The following DTNA variants were observed in gnomAD, a reference collection of about 807,000 sequenced individuals.
The protein encoded by DTNA is dystrobrevin alpha.
DTNA carries 43 observed loss-of-function variants against 100.7 expected under a neutral mutation model. The observed-to-expected ratio is 0.43, with a 90% CI of 0.33 to 0.55. The LOEUF (loss-of-function observed/expected upper bound fraction) is 0.55, where lower values mean the gene tolerates loss of function less well. DTNA is among the 20% of genes least tolerant of loss of function. DTNA has a pLI of 0.04. For missense variants in DTNA, 798 were observed against 953.9 expected, an observed-to-expected ratio of 0.84 and a Z score of 2.15; for synonymous variants, 349 against 347.9, an observed-to-expected ratio of 1.00 and a Z score of -0.04.
intron 1 of DTNA, among the ~76,000 whole-genome samples, chr18:34,664,821 G>C (rs2075677417): frequency 6.6e-6 from 1 of 151,868 alleles, no homozygotes; most frequent in Non-Finnish European, 1.5e-5. Context: ...AATATTGATA[G>C]GTATAATAAA....
intron 10 of DTNA, chr18:34,829,063 T>C (rs377532889): frequency 6.2e-7 from 1 of 1,614,070 alleles, no homozygotes; most frequent in Non-Finnish European, 8.5e-7. Flanking sequence ...TTTTGGTGGA[T>C]GCGTCTAGAT....
chr18:34,839,359 G>A (rs2096222902), intron 13 of DTNA, among the ~76,000 whole-genome samples: 1 of 152,158 alleles, frequency 6.6e-6, no homozygotes, highest in African/African-American at 2.4e-5. Context: ...TTTTTCTGAT[G>A]ACCATCCTGC....
intron 3 of DTNA, among the ~76,000 whole-genome samples, chr18:34,772,319 GAT>G (rs1417246978): frequency 2.6e-5 from 4 of 152,068 alleles, no homozygotes; most frequent in Non-Finnish European, 4.4e-5. Context: ...CCTTCATTCA[GAT>G]ATGTTAAGTT....
At chr18:34,694,761 T>C (rs61229914) in intron 1 of DTNA, among the ~76,000 whole-genome samples, 1,759 of 152,274 alleles carry the variant, frequency 0.012, 41 homozygotes, top group African/African-American at 0.04. Flanking sequence ...TGATTTCCCT[T>C]CTGAAGTTGA....
At chr18:34,793,175 G>T (rs1378749979) in intron 3 of DTNA, among the ~76,000 whole-genome samples, 2 of 152,214 alleles carry the variant, frequency 1.3e-5, no homozygotes, top group African/African-American at 2.4e-5. Context: ...ATCAATAGTT[G>T]CCTGGAACAG....
chr18:34,745,544 T>C (rs921445011), intron 1 of DTNA, among the ~76,000 whole-genome samples: 1 of 152,210 alleles, frequency 6.6e-6, no homozygotes, highest in African/African-American at 2.4e-5. Flanking sequence ...TGCGAGTTTC[T>C]GCCTGACCAT....
chr18:34,623,623 T>C (rs1268835720), intron 1 of DTNA, among the ~76,000 whole-genome samples: 1 of 152,198 alleles, frequency 6.6e-6, no homozygotes. Flanking sequence ...TTTATATCCT[T>C]AAACTCACTC....
rs1473123602 is a variant in DTNA at position 34,890,214 on chromosome 18, T to A, written c.*2480T>A. ...CAACTCCATCACATGGTTGTTGATATCGTCATATAAAGCCATTGCAAGGAC... is the reference window on the plus strand; with the variant it reads ...CAACTCCATCACATGGTTGTTGATAACGTCATATAAAGCCATTGCAAGGAC... On this transcript the variant is annotated 3_prime_UTR_variant, in exon 23 of 23. Coordinates refer to ENST00000444659, the MANE Select transcript of DTNA (RefSeq NM_001386795.1). 6.8e-7 allele frequency: 1 copy of A among 1,463,864 alleles called. No homozygotes were observed. The highest frequency in any genetic ancestry group is 2.5e-5 in the Admixed American group (1 of 40,484). The allele number at this position is 1,463,864 out of a possible 1,614,324, so 90.7% of individuals were successfully genotyped here. A position where few individuals can be genotyped will look rare whatever the true frequency, so the allele number is the denominator to read the frequency against.
chr18:34,562,489 A>G (rs923340929), intron 1 of DTNA, among the ~76,000 whole-genome samples: 11 of 152,204 alleles, frequency 7.2e-5, no homozygotes, highest in African/African-American at 2.7e-4. Flanking sequence ...ATATGATGCC[A>G]CCGGAAGTGG....
chr18:34,733,515 A>C (rs763821031), intron 1 of DTNA, among the ~76,000 whole-genome samples: 69 of 152,244 alleles, frequency 4.5e-4, no homozygotes, highest in Admixed American at 1.6e-3. Flanking sequence ...GTTGAGTGCC[A>C]ACTTGGACCC....
At chr18:34,619,606 A>G (rs956024452) in intron 1 of DTNA, among the ~76,000 whole-genome samples, 9 of 152,166 alleles carry the variant, frequency 5.9e-5, no homozygotes, top group Admixed American at 2.6e-4. Context: ...GATGGTTCCC[A>G]GGGCTCTGAC....
At position 34,889,495 on chromosome 18, in the gene DTNA, C is replaced by T; in HGVS notation, c.*1761C>T. Reference sequence around the variant, plus strand: ...AATAAGCAAGAAAGGTTCTGTGATTCACTTTTGCTTCTGGGGCTGGCAAAA... The same window carrying T: ...AATAAGCAAGAAAGGTTCTGTGATTTACTTTTGCTTCTGGGGCTGGCAAAA... On this transcript the variant is annotated 3_prime_UTR_variant, in exon 23 of 23. Coordinates refer to ENST00000444659, the MANE Select transcript of DTNA (RefSeq NM_001386795.1). The T allele has an allele frequency of 1.0e-6, 1 of 985,422 alleles. No individual in the cohort carries two copies. The highest frequency in any genetic ancestry group is 1.2e-6 in the Non-Finnish European group (1 of 829,942). 61.0% of individuals were successfully genotyped at this position (985,422 alleles called of 1,614,324 possible). A position where few individuals can be genotyped will look rare whatever the true frequency, so the allele number is the denominator to read the frequency against.
intron 17 of DTNA, chr18:34,866,501 C>G (rs1200915729): frequency 8.6e-7 from 1 of 1,164,196 alleles, no homozygotes; most frequent in Non-Finnish European, 1.1e-6. Flanking sequence ...TAGAGATACC[C>G]TGAGGTTCAT....
chr18:34,577,613 A>G (rs1036070668), intron 1 of DTNA, among the ~76,000 whole-genome samples: 3 of 152,058 alleles, frequency 2.0e-5, no homozygotes, highest in African/African-American at 4.8e-5. Context: ...TGAGTCCCCA[A>G]AGTCCATCGT....
chr18:34,499,377 A>T (rs2039644832), intron 1 of DTNA, among the ~76,000 whole-genome samples: 1 of 152,208 alleles, frequency 6.6e-6, no homozygotes, highest in African/African-American at 2.4e-5. Context: ...TTGTTTAACC[A>T]TTCACCTATT....
intron 1 of DTNA, chr18:34,513,836 G>C (rs1157294618): frequency 6.6e-6 from 1 of 152,148 alleles, no homozygotes; most frequent in Non-Finnish European, 1.5e-5. Context: ...ACAACTGCAT[G>C]AACAAGTAGA....
chr18:34,572,416 G>A (rs1325094584), intron 1 of DTNA, among the ~76,000 whole-genome samples: 3 of 152,128 alleles, frequency 2.0e-5, no homozygotes, highest in Admixed American at 2.0e-4. Flanking sequence ...ATTTTCCTAA[G>A]TGTTTTACAT....
At chr18:34,721,364 T>C (rs944955589) in intron 1 of DTNA, among the ~76,000 whole-genome samples, 1 of 152,246 alleles carries the variant, frequency 6.6e-6, no homozygotes, top group Non-Finnish European at 1.5e-5. Flanking sequence ...AGGTATTTAA[T>C]AAGTGTTAAC....
At chr18:34,659,607 C>T (rs755610348) in intron 1 of DTNA, among the ~76,000 whole-genome samples, 30 of 150,066 alleles carry the variant, frequency 2.0e-4, no homozygotes, top group Non-Finnish European at 1.8e-4. Context: ...GATTCTAACA[C>T]GTACACATAC....
Sources: allele counts gnomAD v4.1 joint callset (sites outside exome capture counted in the v4.1 genomes callset), GRCh38; gene constraint gnomAD v4.1.1; transcripts MANE v1.5; gene names NCBI Gene and HGNC (gene_info 2026-07-23, HGNC 2026-07-21).